The following GGT1 variants were observed in gnomAD, a reference collection of about 807,000 sequenced individuals.
The protein encoded by GGT1 is glutathione hydrolase 1 proenzyme.
GGT1 carries 21 observed loss-of-function variants against 56.0 expected under a neutral mutation model. The ratio of observed to expected loss-of-function variants is 0.38; its 90% CI spans 0.27 to 0.54. The LOEUF is 0.54. Among genes scored for constraint, GGT1 ranks in the 20% least tolerant of loss-of-function variants. GGT1 has a pLI of 0.82. For missense variants in GGT1, 466 were observed against 787.0 expected (o/e 0.59, Z 4.88); for synonymous variants, 238 against 342.6 (o/e 0.69, Z 3.37).
chr22:24,626,112 C>T (rs964778634), intron 11 of GGT1, among the ~76,000 whole-genome samples: 1 of 144,614 alleles, frequency 6.9e-6, no homozygotes, highest in Non-Finnish European at 1.5e-5. Flanking sequence ...CCTGCCTCAG[C>T]CCCCCAAGTA....
At chr22:24,586,453 C>T in the GGT1 span, 2 of 1,573,854 alleles carry the variant, frequency 1.3e-6, no homozygotes, top group South Asian at 1.2e-5. Context: ...GGCAACCAGG[C>T]AGTCCCCCCA....
At chr22:24,588,895 C>T in the GGT1 span, 39 of 1,002,034 alleles carry the variant, frequency 3.9e-5, no homozygotes, top group African/African-American at 5.5e-4. Flanking sequence ...AACTGGGCTC[C>T]GGCAGAGGCC....
At chr22:24,593,186 G>T, upstream of GGT1, 1 of 838,302 alleles carries the variant, frequency 1.2e-6, no homozygotes, top group African/African-American at 1.8e-5. Context: ...ACCCCGCGCC[G>T]GAGCGAGGCC....
At position 24,623,881 on chromosome 22, in the gene GGT1, C is replaced by T. The variant is rs1438907452; in HGVS notation, c.985C>T (p.Leu329=). Residue 329 remains leucine, a synonymous_variant, in exon 11 of 16, where the codon CTG becomes TTG. Coordinates refer to ENST00000400382, the MANE Select transcript of GGT1 (RefSeq NM_001288833.2). ...CCGGTTTGCCTACGCCAAGAGGACCCTGCTTGGGGACCCCAAGTTTGTGGA... is the reference window on the plus strand; with the variant it reads ...CCGGTTTGCCTACGCCAAGAGGACCTTGCTTGGGGACCCCAAGTTTGTGGA... ...AFRFAYAKRT[L]LGDPKFVDVT... The T allele has an allele frequency of 6.2e-7, 1 of 1,611,450 alleles. No individual in the cohort carries two copies.
chr22:24,609,665 C>T, intron 2 of GGT1: 1 of 291,554 alleles, frequency 3.4e-6, no homozygotes, highest in Non-Finnish European at 7.2e-6. Flanking sequence ...CTGGCAGACA[C>T]CGCCCTTTGT....
chr22:24,590,481 C>G (rs905601241), upstream of GGT1, among the ~76,000 whole-genome samples: 3 of 152,062 alleles, frequency 2.0e-5, no homozygotes, highest in African/African-American at 7.2e-5. Flanking sequence ...TAAGTGAATC[C>G]CAGAACCCTT....
In GGT1 at chr22:24,628,147, T is replaced by C; in HGVS notation, c.1403T>C (p.Val468Ala). The C allele has an allele frequency of 1.2e-6, 2 of 1,611,856 alleles. No individual in the cohort carries two copies. The highest frequency in any genetic ancestry group is 1.7e-6 in the Non-Finnish European group (2 of 1,179,826). Residue 468 changes from valine to alanine, a missense_variant, in exon 14 of 16, where the codon GTG becomes GCG. Coordinates refer to ENST00000400382, the MANE Select transcript of GGT1 (RefSeq NM_001288833.2). The surrounding 1 kb of genome is among the most constrained non-coding windows in gnomAD (Gnocchi z 5.7). ...MVGQDGQVRM[V>A]VGAAGGTQIT... ...GGCCAGGACGGCCAGGTCCGGATGGTGGTGGGAGCTGCTGGGGGCACACAG... is the reference window on the plus strand; with the variant it reads ...GGCCAGGACGGCCAGGTCCGGATGGCGGTGGGAGCTGCTGGGGGCACACAG...
chr22:24,605,399 T>A (rs1180952286), intron 1 of GGT1, among the ~76,000 whole-genome samples: 4 of 81,362 alleles, frequency 4.9e-5, no homozygotes, highest in Non-Finnish European at 8.1e-5. Context: ...GTATTATATA[T>A]TATATAATAT....
chr22:24,601,443 A>C (rs556681149), upstream of GGT1, among the ~76,000 whole-genome samples: 1 of 152,154 alleles, frequency 6.6e-6, no homozygotes, highest in Admixed American at 6.5e-5. Flanking sequence ...TCCTGGTGTC[A>C]TGGGTCACTC....
At chr22:24,621,583 G>A (rs1340356060) in intron 9 of GGT1, among the ~76,000 whole-genome samples, 1 of 150,796 alleles carries the variant, frequency 6.6e-6, no homozygotes, top group Admixed American at 6.6e-5. Context: ...CACGTTTCAT[G>A]GAGGAGGGTG....
At chr22:24,592,496 C>G (rs1002278377), upstream of GGT1, 4 of 447,790 alleles carry the variant, frequency 8.9e-6, no homozygotes, top group Non-Finnish European at 1.9e-5. Flanking sequence ...TGCCACTCCT[C>G]CCGGGCCCCT....
chr22:24,624,837 A>G (rs1215327870), intron 11 of GGT1: 1 of 153,518 alleles, frequency 6.5e-6, no homozygotes, highest in South Asian at 2.1e-4. Context: ...TGGCTGGGCT[A>G]TGTCCTCTCT....
chr22:24,586,820 T>C, the GGT1 span, among the ~76,000 whole-genome samples: 1 of 152,260 alleles, frequency 6.6e-6, no homozygotes, highest in Non-Finnish European at 1.5e-5. Context: ...CGTGAGCCAC[T>C]GCGCCCGGGC....
chr22:24,598,928 T>A (rs1383448242), upstream of GGT1, among the ~76,000 whole-genome samples: 5 of 151,958 alleles, frequency 3.3e-5, no homozygotes, highest in Non-Finnish European at 7.4e-5. Context: ...GGGCCTTTTT[T>A]AAAAAAATTA....
intron 1 of GGT1, among the ~76,000 whole-genome samples, chr22:24,596,782 A>G (rs1264222337): frequency 6.7e-6 from 1 of 150,114 alleles, no homozygotes; most frequent in Non-Finnish European, 1.5e-5. Context: ...GTGTGGTGAC[A>G]CATGCCTGTA....
intron 5 of GGT1, among the ~76,000 whole-genome samples, chr22:24,613,758 AAAAAGAAAG>A (rs1198210954): frequency 2.0e-5 from 3 of 149,538 alleles, no homozygotes; most frequent in Admixed American, 2.0e-4. Flanking sequence ...TCAGAAAAAA[AAAAAGAAAG>A]AAAAGAAAAG....
chr22:24,627,166 T>A (rs2147539405), intron 11 of GGT1: 1 of 975,496 alleles, frequency 1.0e-6, no homozygotes, highest in South Asian at 1.7e-5. Context: ...ATTTTTTGCA[T>A]GAAGGAATGA....
At chr22:24,605,179 AAT>A (rs1196100144) in intron 1 of GGT1, among the ~76,000 whole-genome samples, 1 of 70,534 alleles carries the variant, frequency 1.4e-5, no homozygotes, top group Non-Finnish European at 2.3e-5. Context: ...TATAATATGT[AAT>A]ATATTATATA....
chr22:24,612,801 A>G (rs1342475211), intron 5 of GGT1, among the ~76,000 whole-genome samples: 1 of 152,166 alleles, frequency 6.6e-6, no homozygotes, highest in Non-Finnish European at 1.5e-5. Flanking sequence ...TGCTGGGATT[A>G]CAGGCATGAG....
Sources: allele counts gnomAD v4.1 joint callset (sites outside exome capture counted in the v4.1 genomes callset), GRCh38; gene constraint gnomAD v4.1.1; non-coding constraint Gnocchi (gnomAD v3.1); transcripts MANE v1.5; gene names NCBI Gene and HGNC (gene_info 2026-07-23, HGNC 2026-07-21).